Variants in ZBTB44 observed in about 807,000 individuals in gnomAD.
ZBTB44 encodes zinc finger and BTB domain-containing protein 44.
Under a neutral mutation model 54.0 loss-of-function variants are expected in ZBTB44, and 15 were observed. The observed-to-expected ratio is 0.28, with a 90% CI of 0.19 to 0.43. ZBTB44 has a LOEUF of 0.43. Among genes scored for constraint, ZBTB44 ranks in the 20% least tolerant of loss-of-function variants. ZBTB44 has a pLI of 1.00. For synonymous variants in ZBTB44, 230 were observed against 250.1 expected (o/e 0.92, Z 0.76); for missense variants, 487 against 707.1 (o/e 0.69, Z 3.53).
Position 130,261,918 on chromosome 11 carries a change from A to C in ZBTB44, c.-45T>G, listed in dbSNP as rs750692613. 8 of 1,519,682 alleles carry C rather than the reference A, an allele frequency of 5.3e-6. No individual in the cohort carries two copies. In the Admixed American group the frequency reaches 1.1e-4, roughly 20 times the overall value. 94.1% of individuals were successfully genotyped at this position (1,519,682 alleles called of 1,614,324 possible). ...AGATGCTCTTCAAGGATGCAAATAAATCAGAAATGTCCTAAAAAATACATA... is the reference window on the plus strand; with the variant it reads ...AGATGCTCTTCAAGGATGCAAATAACTCAGAAATGTCCTAAAAAATACATA... On this transcript the variant is annotated 5_prime_UTR_variant, in exon 2 of 8. Coordinates refer to ENST00000357899, the MANE Select transcript of ZBTB44 (RefSeq NM_001301098.2). This position sits in a 1 kb window ranked among gnomAD's most constrained non-coding sequence, Gnocchi z 4.8.
rs531292792 is a variant in ZBTB44 at position 130,227,353 on chromosome 11, G to A, written c.*4411C>T. Reference sequence around the variant, plus strand: ...ACTGGATACAAAGCTGGTGAACTGGGGACTGGCACAGTTAAGAGTTGTACT... The same window carrying A: ...ACTGGATACAAAGCTGGTGAACTGGAGACTGGCACAGTTAAGAGTTGTACT... On this transcript the variant is annotated 3_prime_UTR_variant, in exon 8 of 8. Coordinates refer to ENST00000357899, the MANE Select transcript of ZBTB44 (RefSeq NM_001301098.2). 9.9e-5 allele frequency: 15 copies of A among 152,264 alleles called. No individual in the cohort carries two copies. In the South Asian group the frequency reaches 3.1e-3, roughly 32 times the overall value. The allele number at this position is 152,264 out of a possible 1,614,324, so 9.4% of individuals were successfully genotyped here.
At chr11:130,285,654 A>G in intron 1 of ZBTB44, 1 of 266,896 alleles carries the variant, frequency 3.7e-6, no homozygotes, top group South Asian at 5.3e-5. Context: ...TTCACAGTCT[A>G]ATTTTTTATT....
At chr11:130,254,340 A>G (rs1426702234) in intron 2 of ZBTB44, among the ~76,000 whole-genome samples, 1 of 152,240 alleles carries the variant, frequency 6.6e-6, no homozygotes, top group Non-Finnish European at 1.5e-5. Context: ...GCTAATATCC[A>G]GAATCTACAA....
chr11:130,235,904 A>C (rs1954086745), intron 5 of ZBTB44, among the ~76,000 whole-genome samples: 1 of 151,268 alleles, frequency 6.6e-6, no homozygotes, highest in Non-Finnish European at 1.5e-5. Flanking sequence ...CAGGAGGCTG[A>C]GGTTGCAGTA....
At chr11:130,257,238 T>TAAAAAAAAAAAAAAAAAAAAAAA (rs572669481) in intron 2 of ZBTB44, among the ~76,000 whole-genome samples, 1 of 109,342 alleles carries the variant, frequency 9.1e-6, no homozygotes. Flanking sequence ...TCCCAGATCT[T>TAAAAAAAAAAAAAAAAAAAAAAA]AAAAAAAAAA....
At chr11:130,288,360 C>T (rs1039043204) in intron 1 of ZBTB44, among the ~76,000 whole-genome samples, 1 of 151,354 alleles carries the variant, frequency 6.6e-6, no homozygotes, top group East Asian at 1.9e-4. Context: ...GGTGACAGAG[C>T]CAGACTCTGT....
At chr11:130,235,427 G>T (rs1414533781) in intron 5 of ZBTB44, among the ~76,000 whole-genome samples, 1 of 152,156 alleles carries the variant, frequency 6.6e-6, no homozygotes, top group African/African-American at 2.4e-5. Context: ...CAGAATTAGA[G>T]ATGACTGCAT....
rs1400999700 is a variant in ZBTB44, at chr11:130,243,300, G to A, written c.1019-3404C>T. On this transcript the variant is annotated intron_variant, in intron 2 of 7. Transcript: ENST00000357899. Reference sequence around the variant, plus strand: ...TGAGTGCTCTGGTAATTTTTCGACTGGTTATTGCCCTTGAAAATTATTTGT... The same window carrying A: ...TGAGTGCTCTGGTAATTTTTCGACTAGTTATTGCCCTTGAAAATTATTTGT... Among the ~76,000 whole-genome samples the A allele has an allele frequency of 2.6e-5, 4 of 152,200 alleles. No individual in the cohort carries two copies. In the East Asian group the frequency reaches 5.8e-4, roughly 22 times the overall value.
At chr11:130,286,986 T>C (rs992058301) in intron 1 of ZBTB44, among the ~76,000 whole-genome samples, 1 of 152,216 alleles carries the variant, frequency 6.6e-6, no homozygotes, top group Non-Finnish European at 1.5e-5. Flanking sequence ...ATCTCAGCAA[T>C]ATCCCTCTGA....
chr11:130,235,692 A>C (rs1266433707), intron 5 of ZBTB44, among the ~76,000 whole-genome samples: 1 of 152,094 alleles, frequency 6.6e-6, no homozygotes, highest in Non-Finnish European at 1.5e-5. Context: ...TTTAAAAATA[A>C]GGGTGATTTA....
chr11:130,234,118 A>T, intron 6 of ZBTB44, 38 bp downstream of exon 6: 22 of 1,543,950 alleles, frequency 1.4e-5, no homozygotes, highest in Non-Finnish European at 1.9e-5. Context: ...AAGAGACCCC[A>T]AGGGAAAAGT....
intron 1 of ZBTB44, among the ~76,000 whole-genome samples, chr11:130,291,315 T>A (rs537977951): frequency 6.6e-6 from 1 of 152,120 alleles, no homozygotes; most frequent in African/African-American, 2.4e-5. Context: ...ATTTTTGTAT[T>A]TTTAGTAGAG....
At chr11:130,246,030 C>T (rs928928663) in intron 2 of ZBTB44, among the ~76,000 whole-genome samples, 30 of 152,306 alleles carry the variant, frequency 2.0e-4, no homozygotes, top group African/African-American at 6.7e-4. Flanking sequence ...CCCATGGCTA[C>T]TGAATGCACC....
intron 1 of ZBTB44, chr11:130,296,440 C>T (rs1269180614): frequency 1.8e-5 from 23 of 1,293,102 alleles, no homozygotes; most frequent in South Asian, 1.4e-4. Context: ...AATAAATGTA[C>T]GACCACATTC....
chr11:130,259,721 CAT>C (rs1002746954), intron 2 of ZBTB44, among the ~76,000 whole-genome samples: 9 of 150,508 alleles, frequency 6.0e-5, no homozygotes, highest in African/African-American at 2.0e-4. Flanking sequence ...CCAAACACCA[CAT>C]GTTCTTACTA....
intron 1 of ZBTB44, among the ~76,000 whole-genome samples, chr11:130,265,472 G>A (rs956876046): frequency 9.2e-5 from 14 of 152,066 alleles, no homozygotes; most frequent in African/African-American, 2.7e-4. Flanking sequence ...TGATCCACCC[G>A]CCTCATGTTT....
chr11:130,292,064 T>C (rs1941330115), intron 1 of ZBTB44, among the ~76,000 whole-genome samples: 1 of 152,234 alleles, frequency 6.6e-6, no homozygotes, highest in South Asian at 2.1e-4. Context: ...ACATAATTAT[T>C]CTGAGATTCA....
intron 1 of ZBTB44, among the ~76,000 whole-genome samples, chr11:130,266,973 A>T (rs1939294440): frequency 6.6e-6 from 1 of 152,212 alleles, no homozygotes; most frequent in South Asian, 2.1e-4. Flanking sequence ...TTTTAATTAA[A>T]AATTTTTTTT....
intron 1 of ZBTB44, among the ~76,000 whole-genome samples, chr11:130,266,250 T>C (rs1189870820): frequency 6.6e-6 from 1 of 152,262 alleles, no homozygotes; most frequent in African/African-American, 2.4e-5. Flanking sequence ...CACATCTATT[T>C]ACAGCATGGT....
Sources: allele counts gnomAD v4.1 joint callset (sites outside exome capture counted in the v4.1 genomes callset), GRCh38; gene constraint gnomAD v4.1.1; non-coding constraint Gnocchi (gnomAD v3.1); transcripts MANE v1.5; gene names NCBI Gene and HGNC (gene_info 2026-07-23, HGNC 2026-07-21).